Variants in HTR1F observed in about 807,000 individuals in gnomAD.
HTR1F encodes 5-hydroxytryptamine (serotonin) receptor 1F, G protein-coupled.
In HTR1F, 17 loss-of-function variants were observed where a neutral mutation model predicts 24.0. The observed-to-expected ratio is 0.71, with a 90% CI of 0.48 to 1.06. HTR1F has a LOEUF of 1.06. HTR1F is among the 50% of genes least tolerant of loss of function. The pLI is 0.00. For synonymous variants in HTR1F, 186 were observed against 156.8 expected (o/e 1.19, Z -1.39); for missense variants, 391 against 427.8 (o/e 0.91, Z 0.76).
At chr3:87,870,749 C>T (rs886849238) in intron 2 of HTR1F, among the ~76,000 whole-genome samples, 9 of 151,946 alleles carry the variant, frequency 5.9e-5, no homozygotes, top group Non-Finnish European at 1.2e-4. Flanking sequence ...ACCAGAGAAA[C>T]CACAGTACCA....
intron 2 of HTR1F, among the ~76,000 whole-genome samples, chr3:87,885,869 G>T (rs182899715): frequency 6.6e-6 from 1 of 151,996 alleles, no homozygotes; most frequent in South Asian, 2.1e-4. Flanking sequence ...ACCAAAAAAA[G>T]CCCAGGACCA....
At chr3:87,927,513 T>G (rs746826601) in intron 2 of HTR1F, among the ~76,000 whole-genome samples, 12 of 152,230 alleles carry the variant, frequency 7.9e-5, no homozygotes, top group Non-Finnish European at 1.5e-4. Context: ...ACCAAAAAAA[T>G]GTATATTATA....
At chr3:87,956,507 C>G (rs1288020578) in intron 2 of HTR1F, among the ~76,000 whole-genome samples, 1 of 151,318 alleles carries the variant, frequency 6.6e-6, no homozygotes, top group Non-Finnish European at 1.5e-5. Flanking sequence ...AATTTTGGAA[C>G]CAGCTTGCCA....
intron 2 of HTR1F, among the ~76,000 whole-genome samples, chr3:87,915,702 G>A (rs758921440): frequency 2.6e-5 from 4 of 152,036 alleles, no homozygotes; most frequent in Non-Finnish European, 4.4e-5. Flanking sequence ...AAGAAGTCTG[G>A]GATTATGTTA....
chr3:87,841,629 G>A (rs920345315), intron 2 of HTR1F, among the ~76,000 whole-genome samples: 1 of 151,770 alleles, frequency 6.6e-6, no homozygotes, highest in African/African-American at 2.4e-5. Flanking sequence ...GCTGGGTGCG[G>A]TGGCTCACGT....
chr3:87,926,676 C>A (rs1704133946), intron 2 of HTR1F, among the ~76,000 whole-genome samples: 1 of 152,004 alleles, frequency 6.6e-6, no homozygotes, highest in African/African-American at 2.4e-5. Context: ...TCGTTTTATA[C>A]TGAAAGATCT....
Position 87,964,864 on chromosome 3 carries a change from G to T in HTR1F, c.-42-25844G>T, listed in dbSNP as rs185442627. Among the ~76,000 whole-genome samples the T allele has an allele frequency of 3.3e-5, 5 of 152,196 alleles. No individual in the cohort carries two copies. The East Asian group carries it at 9.6e-4, about 29-fold the overall frequency. ...CATATTTCCCAGGTGTCACGGGAGG[G>T]GCTTGTAGGAGGCAATTGAATCATG... On this transcript the variant is annotated intron_variant, in intron 2 of 2. Coordinates refer to ENST00000319595, the MANE Select transcript of HTR1F (RefSeq NM_001322209.2).
chr3:87,882,249 T>G (rs952135278), intron 2 of HTR1F, among the ~76,000 whole-genome samples: 7 of 152,310 alleles, frequency 4.6e-5, no homozygotes, highest in Non-Finnish European at 8.8e-5. Flanking sequence ...GGAACACTTT[T>G]ACACTGTTGG....
Position 87,816,804 on chromosome 3 carries a change from A to G in HTR1F, c.-159-5204A>G, listed in dbSNP as rs143274922. Among the ~76,000 whole-genome samples, 50 of 152,232 alleles carry G rather than the reference A, an allele frequency of 3.3e-4. 2 individuals carry two copies. The highest frequency in any genetic ancestry group is 1.1e-3 in the African/African-American group (44 of 41,578). Reference sequence around the variant, plus strand: ...AACAGAATCAGTAAATGCATGTTTAACTAGCAAATGAAAGTTCAATGAACT... The same window carrying G: ...AACAGAATCAGTAAATGCATGTTTAGCTAGCAAATGAAAGTTCAATGAACT... On this transcript the variant is annotated intron_variant, in intron 1 of 2. Transcript: ENST00000319595.
At chr3:87,830,174 A>C (rs1180600178) in intron 2 of HTR1F, among the ~76,000 whole-genome samples, 1 of 152,184 alleles carries the variant, frequency 6.6e-6, no homozygotes, top group Non-Finnish European at 1.5e-5. Context: ...TACTTGCTTC[A>C]CCTGGATATG....
chr3:87,825,324 GC>G (rs1309251035), intron 2 of HTR1F, among the ~76,000 whole-genome samples: 1 of 152,126 alleles, frequency 6.6e-6, no homozygotes, highest in Non-Finnish European at 1.5e-5. Flanking sequence ...ATTGTAGTTT[GC>G]CTGAGCCTGA....
intron 2 of HTR1F, among the ~76,000 whole-genome samples, chr3:87,916,536 A>C (rs1490119667): frequency 1.3e-5 from 2 of 152,036 alleles, no homozygotes; most frequent in Non-Finnish European, 2.9e-5. Context: ...GGGTGGAAAA[A>C]CACATTTCAT....
At chr3:87,834,190 C>T (rs2107160456) in intron 2 of HTR1F, among the ~76,000 whole-genome samples, 1 of 152,232 alleles carries the variant, frequency 6.6e-6, no homozygotes, top group Middle Eastern at 3.4e-3. Flanking sequence ...CTATACTATA[C>T]ATGCAATGTG....
At chr3:87,932,785 A>G (rs7647432) in intron 2 of HTR1F, among the ~76,000 whole-genome samples, 1 of 151,290 alleles carries the variant, frequency 6.6e-6, no homozygotes, top group Non-Finnish European at 1.5e-5. Flanking sequence ...CAAGGAGGAG[A>G]TGGTACCATT....
At chr3:87,970,458 A>C (rs534409986) in intron 2 of HTR1F, among the ~76,000 whole-genome samples, 56 of 152,336 alleles carry the variant, frequency 3.7e-4, no homozygotes, top group African/African-American at 1.2e-3. Flanking sequence ...AAAAGCCCAA[A>C]GTGGGAATGT....
intron 2 of HTR1F, among the ~76,000 whole-genome samples, chr3:87,902,526 A>C (rs189653764): frequency 2.2e-4 from 33 of 152,216 alleles, no homozygotes; most frequent in Admixed American, 2.1e-3. Context: ...GGACCAAAAG[A>C]GGGAAAAAAA....
chr3:87,848,106 G>GT (rs1704987876), intron 2 of HTR1F, among the ~76,000 whole-genome samples: 1 of 151,828 alleles, frequency 6.6e-6, no homozygotes, highest in African/African-American at 2.4e-5. Flanking sequence ...GTTTTCCACA[G>GT]TGGCTGTACT....
At chr3:87,844,012 G>A (rs1385974513) in intron 2 of HTR1F, among the ~76,000 whole-genome samples, 4 of 150,296 alleles carry the variant, frequency 2.7e-5, no homozygotes, top group Non-Finnish European at 5.9e-5. Flanking sequence ...CTTTATAGCA[G>A]CATGATTTAT....
At chr3:87,804,658 A>G (rs1213364878) in intron 1 of HTR1F, among the ~76,000 whole-genome samples, 2 of 151,960 alleles carry the variant, frequency 1.3e-5, no homozygotes, top group Non-Finnish European at 2.9e-5. Flanking sequence ...TGCTCACGTT[A>G]CTATAGATGT....
Sources: allele counts gnomAD v4.1 joint callset (sites outside exome capture counted in the v4.1 genomes callset), GRCh38; gene constraint gnomAD v4.1.1; transcripts MANE v1.5; gene names NCBI Gene and HGNC (gene_info 2026-07-23, HGNC 2026-07-21).